The following CTNND2 variants were observed in gnomAD, a reference collection of about 807,000 sequenced individuals.
CTNND2 encodes catenin delta 2, also known as catenin delta-2.
Under a neutral mutation model 144.4 loss-of-function variants are expected in CTNND2, and 22 were observed. The ratio of observed to expected loss-of-function variants is 0.15; its 90% confidence interval spans 0.11 to 0.22. The LOEUF is 0.22. Among genes scored for constraint, CTNND2 ranks in the 10% least tolerant of loss-of-function variants. The probability of loss-of-function intolerance (pLI) is 1.00; values close to 1 mark genes in which losing one functional copy is unlikely to be tolerated. For synonymous variants in CTNND2, 751 were observed against 695.6 expected (o/e 1.08, Z -1.25); for missense variants, 1,353 against 1,618.8 (o/e 0.84, Z 2.82).
At chr5:11,518,606 T>C (rs1361065788) in intron 3 of CTNND2, among the ~76,000 whole-genome samples, 1 of 152,216 alleles carries the variant, frequency 6.6e-6, no homozygotes, top group Non-Finnish European at 1.5e-5. Flanking sequence ...ATGGTTTAAG[T>C]GTCTTATACA....
At chr5:11,141,931 T>C (rs920384266) in intron 12 of CTNND2, among the ~76,000 whole-genome samples, 2 of 152,308 alleles carry the variant, frequency 1.3e-5, no homozygotes, top group East Asian at 3.9e-4. Context: ...TTAACATTTT[T>C]ATGGGAGTGG....
chr5:11,504,257 T>TTGCTGC, intron 3 of CTNND2, among the ~76,000 whole-genome samples: 1 of 152,324 alleles, frequency 6.6e-6, no homozygotes, highest in South Asian at 2.1e-4. Context: ...TCTAATGCTG[T>TTGCTGC]TGCTGCTGCT....
At chr5:11,241,104 CAT>C (rs1244326361) in intron 9 of CTNND2, among the ~76,000 whole-genome samples, 1 of 151,116 alleles carries the variant, frequency 6.6e-6, no homozygotes, top group Non-Finnish European at 1.5e-5. Context: ...ACACACCCAA[CAT>C]GTACACACAC....
intron 9 of CTNND2, among the ~76,000 whole-genome samples, chr5:11,242,743 T>A (rs1742581348): frequency 6.6e-6 from 1 of 152,208 alleles, no homozygotes; most frequent in Non-Finnish European, 1.5e-5. Flanking sequence ...CCTTGACTGT[T>A]GTACTAGAAT....
chr5:11,833,316 T>C (rs1794005207), intron 1 of CTNND2, among the ~76,000 whole-genome samples: 1 of 152,144 alleles, frequency 6.6e-6, no homozygotes, highest in Non-Finnish European at 1.5e-5. Flanking sequence ...CTGTGATGTA[T>C]GATACAACAT....
chr5:11,299,132 A>G (rs2530217), intron 9 of CTNND2, among the ~76,000 whole-genome samples: 35,365 of 151,900 alleles, frequency 0.23, 4,263 homozygotes, highest in Middle Eastern at 0.32. Context: ...TCTTTAGGCT[A>G]CCTTCCCACT....
chr5:11,203,536 G>C (rs1345030741), intron 10 of CTNND2, among the ~76,000 whole-genome samples: 1 of 152,164 alleles, frequency 6.6e-6, no homozygotes, highest in Non-Finnish European at 1.5e-5. Context: ...TCCGCCTCCA[G>C]GGTTCAAGCG....
chr5:11,108,229 G>C (rs1234209535), intron 14 of CTNND2, among the ~76,000 whole-genome samples: 1 of 152,218 alleles, frequency 6.6e-6, no homozygotes, highest in Non-Finnish European at 1.5e-5. Context: ...ATGAACAGAA[G>C]CGTAGAGGCT....
chr5:11,604,532 C>T (rs533713160), intron 2 of CTNND2, among the ~76,000 whole-genome samples: 1 of 152,296 alleles, frequency 6.6e-6, no homozygotes, highest in Admixed American at 6.5e-5. Context: ...GAGCTTCCTC[C>T]CACAACATGT....
intron 12 of CTNND2, among the ~76,000 whole-genome samples, chr5:11,125,291 C>G (rs1028417045): frequency 1.9e-4 from 29 of 152,176 alleles, no homozygotes; most frequent in Non-Finnish European, 4.0e-4. Context: ...TCTGTCCATC[C>G]CCTTCATTCT....
At chr5:11,300,391 C>A (rs932923187) in intron 9 of CTNND2, among the ~76,000 whole-genome samples, 1 of 152,134 alleles carries the variant, frequency 6.6e-6, no homozygotes, top group Non-Finnish European at 1.5e-5. Flanking sequence ...GGCCTGGTCA[C>A]CCCAGAAATG....
At chr5:11,592,756 G>A (rs1047008470) in intron 2 of CTNND2, among the ~76,000 whole-genome samples, 2 of 151,536 alleles carry the variant, frequency 1.3e-5, no homozygotes, top group African/African-American at 4.9e-5. Flanking sequence ...TGACTTAATG[G>A]ACAGTGGATT....
intron 10 of CTNND2, among the ~76,000 whole-genome samples, chr5:11,213,021 G>A (rs1407943758): frequency 6.6e-6 from 1 of 152,214 alleles, no homozygotes; most frequent in Non-Finnish European, 1.5e-5. Context: ...TATCCATCAT[G>A]TAAAAGTGTA....
intron 16 of CTNND2, among the ~76,000 whole-genome samples, chr5:11,078,783 GAA>G (rs991679108): frequency 2.6e-5 from 4 of 152,178 alleles, no homozygotes; most frequent in Non-Finnish European, 2.9e-5. Context: ...ACGAAAAAAA[GAA>G]AAGAGTATAT....
intron 2 of CTNND2, among the ~76,000 whole-genome samples, chr5:11,703,322 T>A (rs976035070): frequency 1.3e-5 from 2 of 152,200 alleles, no homozygotes; most frequent in South Asian, 4.1e-4. Flanking sequence ...GCAACCACCA[T>A]AGAGGTTTGA....
At chr5:11,365,035 G>T in intron 7 of CTNND2, 145 bp from the exon 8 acceptor site, 1 of 668,444 alleles carries the variant, frequency 1.5e-6, no homozygotes, top group Non-Finnish European at 2.5e-6. Flanking sequence ...GCAGCAATAT[G>T]TCAACCTAAT....
chr5:11,285,961 A>G (rs1258842019), intron 9 of CTNND2, among the ~76,000 whole-genome samples: 1 of 152,252 alleles, frequency 6.6e-6, no homozygotes, highest in African/African-American at 2.4e-5. Flanking sequence ...ATCAATAATG[A>G]TGCCACAGCA....
intron 11 of CTNND2, among the ~76,000 whole-genome samples, chr5:11,174,635 G>A (rs758286929): frequency 2.6e-5 from 4 of 152,152 alleles, no homozygotes; most frequent in Non-Finnish European, 4.4e-5. Flanking sequence ...TCAGAGGGTT[G>A]ATTGAGGACA....
chr5:11,788,554 T>C (rs1247543987), intron 1 of CTNND2, among the ~76,000 whole-genome samples: 1 of 152,204 alleles, frequency 6.6e-6, no homozygotes, highest in Non-Finnish European at 1.5e-5. Context: ...CCCTTATATA[T>C]GAAATTCTCA....
Sources: gnomAD v4.1 joint callset for allele counts (sites outside exome capture counted in the v4.1 genomes callset) on GRCh38, gnomAD v4.1.1 for gene constraint, MANE v1.5 for transcripts, NCBI Gene and HGNC (gene_info 2026-07-23, HGNC 2026-07-21) for gene names.